EDEM3: variants seen among roughly 807,000 people sequenced by gnomAD.
The protein encoded by EDEM3 is ER degradation enhancing alpha-mannosidase like protein 3, also known as ER degradation-enhancing alpha-mannosidase-like protein 3.
A neutral mutation model predicts 110.2 loss-of-function variants in EDEM3; 60 were observed. That is an observed-to-expected ratio of 0.54 (90% CI 0.44 to 0.67). The LOEUF is 0.67. Among genes scored for constraint, EDEM3 ranks in the 30% least tolerant of loss-of-function variants. EDEM3 has a pLI of 0.00. For missense variants in EDEM3, 996 were observed against 1,121.0 expected (o/e 0.89, Z 1.59); for synonymous variants, 352 against 382.9 (o/e 0.92, Z 0.94).
chr1:184,726,470 T>C lies in EDEM3; in HGVS notation c.613-81A>G, dbSNP rs139976545. The C allele has an allele frequency of 1.5e-4, 219 of 1,418,614 alleles. 1 individual carries two copies. In the African/African-American group the frequency reaches 2.8e-3, roughly 18 times the overall value. The allele number at this position is 1,418,614 out of a possible 1,614,324, so 87.9% of individuals were successfully genotyped here. ...AAGAAACTACTTTTCAATCAAGTCT[T>C]TGTATAAAATCATGAAAATAATTCA... On this transcript the variant is annotated intron_variant, in intron 6 of 19. Transcript: ENST00000318130.
At chr1:184,719,646 G>T in intron 9 of EDEM3, 78 bp from the exon 10 acceptor site, 2 of 1,373,912 alleles carry the variant, frequency 1.5e-6, no homozygotes, top group South Asian at 3.2e-5. Flanking sequence ...ATAGCACTGT[G>T]AATAAATTAA....
At chr1:184,723,197 A>G (rs1180626511) in intron 8 of EDEM3, among the ~76,000 whole-genome samples, 1 of 152,018 alleles carries the variant, frequency 6.6e-6, no homozygotes, top group Non-Finnish European at 1.5e-5. Flanking sequence ...AGTGTAGTAC[A>G]TGCCCGGCAC....
intron 2 of EDEM3, among the ~76,000 whole-genome samples, chr1:184,745,195 G>A (rs1197791376): frequency 6.6e-6 from 1 of 152,096 alleles, no homozygotes; most frequent in Non-Finnish European, 1.5e-5. Context: ...GTATCAGAGT[G>A]TGATTACAAA....
At chr1:184,702,382 T>G (rs757323489) in intron 19 of EDEM3, among the ~76,000 whole-genome samples, 2 of 152,204 alleles carry the variant, frequency 1.3e-5, no homozygotes, top group African/African-American at 2.4e-5. Flanking sequence ...CATTTGATTA[T>G]AGGTGGCCTG....
intron 4 of EDEM3, among the ~76,000 whole-genome samples, chr1:184,736,763 AG>A (rs906099785): frequency 2.0e-5 from 3 of 152,160 alleles, no homozygotes; most frequent in Admixed American, 6.5e-5. Context: ...CCTTGTCCAA[AG>A]GGGGGAAAAA....
At chr1:184,725,164 C>G (rs778824193) in intron 7 of EDEM3, among the ~76,000 whole-genome samples, 3 of 152,064 alleles carry the variant, frequency 2.0e-5, no homozygotes, top group Admixed American at 1.3e-4. Flanking sequence ...CAAATTACTG[C>G]GTATTCAAGA....
At chr1:184,742,735 A>C (rs1652214307) in intron 2 of EDEM3, among the ~76,000 whole-genome samples, 1 of 151,400 alleles carries the variant, frequency 6.6e-6, no homozygotes, top group African/African-American at 2.4e-5. Flanking sequence ...ATTCCTGACT[A>C]CTCTTTTATG....
chr1:184,737,041 G>C lies in EDEM3; in HGVS notation c.329C>G (p.Ser110Cys). ...CAAACCTACCACAAGAGTGTCCAAA[G>C]AATCAATCAGTGTCAGAGAAAATCT... ...LGKFSLTLIDSLDTLVVLNKT... is the reference protein window; with the variant it reads ...LGKFSLTLIDCLDTLVVLNKT... The change falls in exon 4 of 20, where the codon TCT (serine) becomes TGT (cysteine). Residue 110 changes from serine (S) to cysteine (C), a missense_variant. Physicochemically the swap from Ser to Cys is moderately radical, Grantham distance 112. This residue lies in a region of EDEM3 where 200 missense variants were observed against 183.8 expected (regional missense o/e 1.09). Coordinates refer to ENST00000318130, the MANE Select transcript of EDEM3 (RefSeq NM_025191.4). 1.9e-6 allele frequency: 3 copies of C among 1,611,402 alleles called. No homozygotes were observed. The highest frequency in any genetic ancestry group is 2.5e-6 in the Non-Finnish European group (3 of 1,178,558).
At position 184,711,288 on chromosome 1, in the gene EDEM3, C is replaced by CA. The variant is rs76938554; in HGVS notation, c.1691+434dup. Among the ~76,000 whole-genome samples the CA allele has an allele frequency of 5.9e-5, 9 of 152,132 alleles. No individual in the cohort carries two copies. The East Asian group carries it at 1.7e-3, about 29-fold the overall frequency. Reference sequence around the variant, plus strand: ...TAATTTTTTGTATTTTTAGTACAGACAGAGTTTCACTATATTGGCCAGGCT... The same window carrying CA: ...TAATTTTTTGTATTTTTAGTACAGACAAGAGTTTCACTATATTGGCCAGGCT... On this transcript the variant is annotated intron_variant, in intron 15 of 19. Coordinates refer to ENST00000318130, the MANE Select transcript of EDEM3 (RefSeq NM_025191.4).
chr1:184,744,330 CATTA>C (rs1161002301), intron 2 of EDEM3, among the ~76,000 whole-genome samples: 1 of 140,790 alleles, frequency 7.1e-6, no homozygotes, highest in Admixed American at 7.4e-5. Flanking sequence ...TTTTCAATGT[CATTA>C]ATCATCAGGA....
intron 16 of EDEM3, 139 bp downstream of exon 16, chr1:184,710,255 G>T (rs575886074): frequency 2.0e-6 from 2 of 1,003,246 alleles, no homozygotes; most frequent in South Asian, 2.5e-5. Flanking sequence ...ATACTTCCAA[G>T]TCCTAAAATT....
intron 4 of EDEM3, among the ~76,000 whole-genome samples, chr1:184,735,626 G>T (rs1211706318): frequency 6.6e-6 from 1 of 152,132 alleles, no homozygotes; most frequent in African/African-American, 2.4e-5. Context: ...TTCCATAAGA[G>T]TATCTCCCTA....
At chr1:184,753,830 G>A (rs556706689) in intron 1 of EDEM3, among the ~76,000 whole-genome samples, 2 of 152,138 alleles carry the variant, frequency 1.3e-5, no homozygotes, top group South Asian at 4.1e-4. Flanking sequence ...TTCATGTGTA[G>A]GACCTCGTGT....
At chr1:184,747,587 A>G (rs1261766740) in intron 2 of EDEM3, among the ~76,000 whole-genome samples, 1 of 152,244 alleles carries the variant, frequency 6.6e-6, no homozygotes, top group Non-Finnish European at 1.5e-5. Flanking sequence ...TTTAAAATAC[A>G]TATTACAGTG....
chr1:184,731,818 TA>T lies in EDEM3; in HGVS notation c.612+1018del, dbSNP rs372285390. On this transcript the variant is annotated intron_variant, in intron 6 of 19. Coordinates refer to ENST00000318130, the MANE Select transcript of EDEM3 (RefSeq NM_025191.4). ...ACACAATGGAATACTATTTGGCCAT[TA>T]AAAAAATGAGATCCTGTCATTTACA... is the stretch of plus-strand genomic sequence containing the variant. Among the ~76,000 whole-genome samples the T allele has an allele frequency of 2.9e-3, 434 of 152,224 alleles. 5 individuals are homozygous for T. The East Asian group carries it at 0.036, about 13-fold the overall frequency.
At chr1:184,719,703 A>C (rs1024879936) in intron 9 of EDEM3, 135 bp from the exon 10 acceptor site, 28 of 865,358 alleles carry the variant, frequency 3.2e-5, no homozygotes, top group East Asian at 2.8e-4. Context: ...AATTTATATA[A>C]ATATTTAAGT....
intron 11 of EDEM3, among the ~76,000 whole-genome samples, chr1:184,718,772 T>C (rs1650695984): frequency 6.6e-6 from 1 of 152,098 alleles, no homozygotes; most frequent in Non-Finnish European, 1.5e-5. Flanking sequence ...ATATATACTG[T>C]TTTCATAAGA....
intron 19 of EDEM3, among the ~76,000 whole-genome samples, chr1:184,700,325 T>C (rs1248675583): frequency 3.3e-5 from 5 of 152,044 alleles, no homozygotes; most frequent in South Asian, 4.1e-4. Flanking sequence ...TGTGACTTCA[T>C]ATGGAAAAAT....
At chr1:184,703,869 T>G (rs944250443) in intron 18 of EDEM3, among the ~76,000 whole-genome samples, 1 of 152,184 alleles carries the variant, frequency 6.6e-6, no homozygotes, top group East Asian at 1.9e-4. Context: ...ATAGTCCAGT[T>G]GAATGACACA....
Sources: allele counts gnomAD v4.1 joint callset (sites outside exome capture counted in the v4.1 genomes callset), GRCh38; gene constraint gnomAD v4.1.1; regional missense constraint gnomAD v4.1.1; transcripts MANE v1.5; gene names NCBI Gene and HGNC (gene_info 2026-07-23, HGNC 2026-07-21).